NHLH1: variants seen among roughly 807,000 people sequenced by gnomAD.
NHLH1 encodes nescient helix-loop-helix 1, also known as helix-loop-helix protein 1.
Under a neutral mutation model 6.7 loss-of-function variants are expected in NHLH1, and 3 were observed. The ratio of observed to expected loss-of-function variants is 0.44; its 90% CI spans 0.20 to 1.15. The LOEUF (loss-of-function observed/expected upper bound fraction) is 1.15, where lower values mean the gene tolerates loss of function less well. Among genes scored for constraint, NHLH1 ranks in the 50% most tolerant of loss-of-function variants. The probability of loss-of-function intolerance (pLI) is 0.26; values close to 1 mark genes in which losing one functional copy is unlikely to be tolerated. For missense variants in NHLH1, 177 were observed against 189.5 expected, an observed-to-expected ratio of 0.93 and a Z score of 0.39; for synonymous variants, 92 against 84.2, an observed-to-expected ratio of 1.09 and a Z score of -0.51.
intron 1 of NHLH1, among the ~76,000 whole-genome samples, chr1:160,368,993 T>C (rs1418046114): frequency 4.6e-5 from 7 of 152,228 alleles, no homozygotes; most frequent in Non-Finnish European, 8.8e-5. Context: ...TTTTTAAGTG[T>C]ACAATTCAGT....
At position 160,370,925 on chromosome 1, in the gene NHLH1, A is replaced by T; in HGVS notation, c.194A>T (p.Glu65Val). The change falls in exon 2 of 2, where the codon GAG (glutamate) becomes GTG (valine). Residue 65 changes from glutamate to valine, a missense_variant. Transcript: ENST00000302101. The part of the protein sequence containing the change: ...RKDLQHLSRE[E>V]RRRRRRATAK... ...GACCTGCAGCATCTGAGCCGCGAGG[A>T]GCGCCGGCGCCGGCGCCGCGCCACA... The T allele has an allele frequency of 5.0e-6, 8 of 1,608,120 alleles. No individual in the cohort carries two copies. The highest frequency in any genetic ancestry group is 6.8e-6 in the Non-Finnish European group (8 of 1,176,980).
chr1:160,371,193 T>C lies in NHLH1; in HGVS notation c.*60T>C. 1.3e-6 allele frequency: 2 copies of C among 1,536,340 alleles called. No homozygotes were observed. Among genetic ancestry groups the C allele is most frequent in the Non-Finnish European group, 1.7e-6 (2 of 1,143,980 alleles). Reference sequence around the variant, plus strand: ...GGGCCCCTTTCCACCGCTCACTGCTTAGAAAGGCCGCATCCTCCCCGAGCC... The same window carrying C: ...GGGCCCCTTTCCACCGCTCACTGCTCAGAAAGGCCGCATCCTCCCCGAGCC... On this transcript the variant is annotated 3_prime_UTR_variant, in exon 2 of 2. Transcript: ENST00000302101.
In NHLH1 at chr1:160,370,686, G is replaced by A; in HGVS notation, c.-46G>A. 6.3e-7 allele frequency: 1 copy of A among 1,591,278 alleles called. No individual in the cohort carries two copies. The highest frequency in any genetic ancestry group is 1.1e-5 in the South Asian group (1 of 88,060). ...ACCAGCTTTCAAGCTCCCAGAGGGAGGGGTGGGGAGGGGATCCTGATCTCA... is the reference window on the plus strand; with the variant it reads ...ACCAGCTTTCAAGCTCCCAGAGGGAAGGGTGGGGAGGGGATCCTGATCTCA... On this transcript the variant is annotated 5_prime_UTR_variant, in exon 2 of 2. Coordinates refer to ENST00000302101, the MANE Select transcript of NHLH1 (RefSeq NM_005598.4).
Position 160,371,467 on chromosome 1 carries a change from G to A in NHLH1, c.*334G>A, listed in dbSNP as rs1649625973. On this transcript the variant is annotated 3_prime_UTR_variant, in exon 2 of 2. Transcript: ENST00000302101. The stretch of plus-strand genomic sequence containing the variant: ...CCCCCAAGCTCTCTCACTGAATGCT[G>A]CCTCTTCTACCCCTATGTCCAAATT... The A allele has an allele frequency of 7.9e-6, 2 of 252,870 alleles. No individual in the cohort carries two copies. Among genetic ancestry groups the A allele is most frequent in the South Asian group, 8.6e-5 (1 of 11,642 alleles). The allele number at this position is 252,870 out of a possible 1,614,324, so 15.7% of individuals were successfully genotyped here.
intron 1 of NHLH1, among the ~76,000 whole-genome samples, 166 bp downstream of exon 1, chr1:160,367,503 T>G (rs962397809): frequency 6.6e-6 from 1 of 152,144 alleles, no homozygotes; most frequent in Non-Finnish European, 1.5e-5. Context: ...TTTGTGCCTA[T>G]CTATCCTCAG....
Position 160,370,698 on chromosome 1 carries a change from G to T in NHLH1, c.-34G>T, listed in dbSNP as rs1475515660. 1 of 1,606,144 alleles carries T rather than the reference G, an allele frequency of 6.2e-7. No homozygotes were observed. Among genetic ancestry groups the T allele is most frequent in the East Asian group, 2.2e-5 (1 of 44,610 alleles). On this transcript the variant is annotated 5_prime_UTR_variant, in exon 2 of 2. Coordinates refer to ENST00000302101, the MANE Select transcript of NHLH1 (RefSeq NM_005598.4). Reference sequence around the variant, plus strand: ...GCTCCCAGAGGGAGGGGTGGGGAGGGGATCCTGATCTCACAGGGCAGGGGG... The same window carrying T: ...GCTCCCAGAGGGAGGGGTGGGGAGGTGATCCTGATCTCACAGGGCAGGGGG...
At position 160,370,692 on chromosome 1, in the gene NHLH1, G is replaced by C; in HGVS notation, c.-40G>C. ...TTTCAAGCTCCCAGAGGGAGGGGTG[G>C]GGAGGGGATCCTGATCTCACAGGGC... On this transcript the variant is annotated 5_prime_UTR_variant, in exon 2 of 2. Coordinates refer to ENST00000302101, the MANE Select transcript of NHLH1 (RefSeq NM_005598.4). The C allele has an allele frequency of 6.2e-7, 1 of 1,601,058 alleles. No individual in the cohort carries two copies. The highest frequency in any genetic ancestry group is 8.5e-7 in the Non-Finnish European group (1 of 1,172,944).
rs746617019 is a variant in NHLH1, at chr1:160,371,142, T to C, written c.*9T>C. 7 of 1,595,378 alleles carry C rather than the reference T, an allele frequency of 4.4e-6. No individual in the cohort carries two copies. Among genetic ancestry groups the C allele is most frequent in the Non-Finnish European group, 6.0e-6 (7 of 1,170,190 alleles). ...ACGTGCTGGACGTCTGAACTCAGCC[T>C]GTCTCCCACCTCCCGGGCCTCTCTG... is the stretch of plus-strand genomic sequence containing the variant. On this transcript the variant is annotated 3_prime_UTR_variant, in exon 2 of 2. Coordinates refer to ENST00000302101, the MANE Select transcript of NHLH1 (RefSeq NM_005598.4).
Position 160,371,850 on chromosome 1 carries a change from C to G in NHLH1, c.*717C>G, listed in dbSNP as rs1005920373. On this transcript the variant is annotated 3_prime_UTR_variant, in exon 2 of 2. Coordinates refer to ENST00000302101, the MANE Select transcript of NHLH1 (RefSeq NM_005598.4). The stretch of plus-strand genomic sequence containing the variant: ...TGGCTACTTCCCTGTCCCTCTGACT[C>G]CTACTGTCCCAATTTTCTCCCTCCC... 6.0e-6 allele frequency: 1 copy of G among 167,028 alleles called. No individual in the cohort carries two copies. Among genetic ancestry groups the G allele is most frequent in the African/African-American group, 2.4e-5 (1 of 41,358 alleles). The allele number at this position is 167,028 out of a possible 1,614,324, so 10.3% of individuals were successfully genotyped here. A position where few individuals can be genotyped will look rare whatever the true frequency, so the allele number is the denominator to read the frequency against.
At chr1:160,368,387 T>A (rs2101919600) in intron 1 of NHLH1, among the ~76,000 whole-genome samples, 1 of 152,300 alleles carries the variant, frequency 6.6e-6, no homozygotes, top group South Asian at 2.1e-4. Flanking sequence ...CTTAGCTGAG[T>A]CCCATAAGGG....
rs1344313756 is a variant in NHLH1 at position 160,370,915 on chromosome 1, AGCCGCGAGGAGCGCCGGCGCCGGC to A, written c.191_214del (p.Glu64_Arg71del). The A allele has an allele frequency of 6.2e-7, 1 of 1,606,844 alleles. No homozygotes were observed. Among genetic ancestry groups the A allele is most frequent in the Non-Finnish European group, 8.5e-7 (1 of 1,176,442 alleles). On this transcript the variant is annotated inframe_deletion, in exon 2 of 2. Transcript: ENST00000302101. ...TGGCCGGAAAGACCTGCAGCATCTG[AGCCGCGAGGAGCGCCGGCGCCGGC>A]GCCGCGCCACAGCCAAGTACCGCAC... is the stretch of plus-strand genomic sequence containing the variant.
At chr1:160,368,398 T>C (rs1042572198) in intron 1 of NHLH1, among the ~76,000 whole-genome samples, 1 of 152,192 alleles carries the variant, frequency 6.6e-6, no homozygotes, top group Non-Finnish European at 1.5e-5. Flanking sequence ...CCCATAAGGG[T>C]AGCTCCAAAA....
At position 160,370,781 on chromosome 1, in the gene NHLH1, C is replaced by CA. The variant is rs1557894384; in HGVS notation, c.51dup (p.Glu18ArgfsTer3). ...GAGCTGGACCTGCCGCCCACCCACT[C>CA]AGAGACTGAGTCGGGCTTCAGTGAC... On this transcript the variant is annotated frameshift_variant, in exon 2 of 2. Transcript: ENST00000302101. LOFTEE classifies it high-confidence loss of function. 6.2e-7 allele frequency: 1 copy of CA among 1,612,950 alleles called. No individual in the cohort carries two copies. Among genetic ancestry groups the CA allele is most frequent in the Non-Finnish European group, 8.5e-7 (1 of 1,179,786 alleles).
Position 160,371,458 on chromosome 1 carries a change from C to A in NHLH1, c.*325C>A, listed in dbSNP as rs889522151. The A allele has an allele frequency of 7.5e-6, 2 of 268,336 alleles. No individual in the cohort carries two copies. The highest frequency in any genetic ancestry group is 1.5e-5 in the Non-Finnish European group (2 of 134,214). The allele number at this position is 268,336 out of a possible 1,614,324, so 16.6% of individuals were successfully genotyped here. A position where few individuals can be genotyped will look rare whatever the true frequency, so the allele number is the denominator to read the frequency against. ...TGGAGTCTGCCCCCAAGCTCTCTCA[C>A]TGAATGCTGCCTCTTCTACCCCTAT... is the stretch of plus-strand genomic sequence containing the variant. On this transcript the variant is annotated 3_prime_UTR_variant, in exon 2 of 2. Coordinates refer to ENST00000302101, the MANE Select transcript of NHLH1 (RefSeq NM_005598.4).
rs1649633075 is a variant in NHLH1 at position 160,371,746 on chromosome 1, C to A, written c.*613C>A. On this transcript the variant is annotated 3_prime_UTR_variant, in exon 2 of 2. Transcript: ENST00000302101. ...ATGGAAAAACTCTTCCTGTTTCTGT[C>A]CATCTTGTTCCTGTGGCTTAGCACA... 6.0e-6 allele frequency: 1 copy of A among 167,204 alleles called. No homozygotes were observed. Among genetic ancestry groups the A allele is most frequent in the African/African-American group, 2.4e-5 (1 of 41,412 alleles). The allele number at this position is 167,204 out of a possible 1,614,324, so 10.4% of individuals were successfully genotyped here.
chr1:160,371,889 AG>A lies in NHLH1; in HGVS notation c.*757del. On this transcript the variant is annotated 3_prime_UTR_variant, in exon 2 of 2. Coordinates refer to ENST00000302101, the MANE Select transcript of NHLH1 (RefSeq NM_005598.4). Reference sequence around the variant, plus strand: ...TTTCTCCCTCCCTGTGTGTCACTAGAGAAAAAAAAAAACAAAAACCTAGATT... The same window carrying A: ...TTTCTCCCTCCCTGTGTGTCACTAGAAAAAAAAAAAACAAAAACCTAGATT... 6.1e-6 allele frequency: 1 copy of A among 162,628 alleles called. No individual in the cohort carries two copies. 10.1% of individuals were successfully genotyped at this position (162,628 alleles called of 1,614,324 possible).
chr1:160,372,196 G>A lies in NHLH1; in HGVS notation c.*1063G>A, dbSNP rs1260038636. The A allele has an allele frequency of 1.2e-5, 2 of 167,038 alleles. No homozygotes were observed. The highest frequency in any genetic ancestry group is 2.9e-5 in the Non-Finnish European group (2 of 68,136). The allele number at this position is 167,038 out of a possible 1,614,324, so 10.3% of individuals were successfully genotyped here. ...CCCCAACTCTGCGCCCCTACTCCATGCTGCTGATCCCCACCTGCGCACTAT... is the reference window on the plus strand; with the variant it reads ...CCCCAACTCTGCGCCCCTACTCCATACTGCTGATCCCCACCTGCGCACTAT... On this transcript the variant is annotated 3_prime_UTR_variant, in exon 2 of 2. Coordinates refer to ENST00000302101, the MANE Select transcript of NHLH1 (RefSeq NM_005598.4).
chr1:160,371,178 C>T lies in NHLH1; in HGVS notation c.*45C>T, dbSNP rs577849763. The T allele has an allele frequency of 1.3e-4, 208 of 1,556,236 alleles. 1 individual carries two copies. The highest frequency in any genetic ancestry group is 8.1e-4 in the African/African-American group (59 of 72,674). On this transcript the variant is annotated 3_prime_UTR_variant, in exon 2 of 2. Transcript: ENST00000302101. ...TCCCGGGCCTCTCTGGGGCCCCTTT[C>T]CACCGCTCACTGCTTAGAAAGGCCG...
intron 1 of NHLH1, among the ~76,000 whole-genome samples, chr1:160,367,902 G>A (rs1199354873): frequency 6.6e-6 from 1 of 152,106 alleles, no homozygotes; most frequent in Non-Finnish European, 1.5e-5. Context: ...GTACTGGGAG[G>A]TGCTGACTTT....
Sources: gnomAD v4.1 joint callset for allele counts (sites outside exome capture counted in the v4.1 genomes callset) on GRCh38, gnomAD v4.1.1 for gene constraint, MANE v1.5 for transcripts, NCBI Gene and HGNC (gene_info 2026-07-23, HGNC 2026-07-21) for gene names.